TRPM6: variants seen among roughly 807,000 people sequenced by gnomAD.
The protein encoded by TRPM6 is channel kinase 2.
Under a neutral mutation model 247.6 loss-of-function variants are expected in TRPM6, and 111 were observed. The ratio of observed to expected loss-of-function variants is 0.45; its 90% CI spans 0.38 to 0.52. The LOEUF is 0.52. TRPM6 is among the 20% of genes least tolerant of loss of function. The probability of loss-of-function intolerance (pLI) is 0.00; values close to 1 mark genes in which losing one functional copy is unlikely to be tolerated. For synonymous variants in TRPM6, 892 were observed against 853.8 expected (o/e 1.04, Z -0.78); for missense variants, 2,126 against 2,421.5 (o/e 0.88, Z 2.56).
chr9:74,746,285 G>T (rs1272158721), intron 31 of TRPM6, among the ~76,000 whole-genome samples: 1 of 151,982 alleles, frequency 6.6e-6, no homozygotes, highest in Non-Finnish European at 1.5e-5. Context: ...AACATTATCA[G>T]AGTCTTGATA....
At chr9:74,886,401 G>T (rs1327699116) in intron 1 of TRPM6, among the ~76,000 whole-genome samples, 1 of 152,042 alleles carries the variant, frequency 6.6e-6, no homozygotes, top group Non-Finnish European at 1.5e-5. Flanking sequence ...GAAAGAAATT[G>T]AATAACTCGT....
In TRPM6 at chr9:74,723,354, A is replaced by T. The variant is rs1465351471; in HGVS notation, c.*1259T>A. ...CATAGGACCTGACATAAAGTAATTT[A>T]ACCTGCAATATTATATATACAACTT... is the stretch of plus-strand genomic sequence containing the variant. On this transcript the variant is annotated 3_prime_UTR_variant, in exon 39 of 39. Coordinates refer to ENST00000360774, the MANE Select transcript of TRPM6 (RefSeq NM_017662.5). 6.6e-6 allele frequency: 1 copy of T among 152,170 alleles called. No homozygotes were observed. The highest frequency in any genetic ancestry group is 1.5e-5 in the Non-Finnish European group (1 of 68,042). The allele number at this position is 152,170 out of a possible 1,614,324, so 9.4% of individuals were successfully genotyped here. A position where few individuals can be genotyped will look rare whatever the true frequency, so the allele number is the denominator to read the frequency against.
At chr9:74,850,782 A>C (rs1830280926) in intron 3 of TRPM6, among the ~76,000 whole-genome samples, 1 of 152,154 alleles carries the variant, frequency 6.6e-6, no homozygotes, top group Non-Finnish European at 1.5e-5. Context: ...TTCCATATGG[A>C]AAGGTTCTTA....
Position 74,840,101 on chromosome 9 carries a change from T to C in TRPM6, c.467A>G (p.Lys156Arg), listed in dbSNP as rs763484074. 14 of 1,613,932 alleles carry C rather than the reference T, an allele frequency of 8.7e-6. No individual in the cohort carries two copies. Among genetic ancestry groups the C allele is most frequent in the Non-Finnish European group, 1.2e-5 (14 of 1,180,004 alleles). ...IQNFTMPSKF[K>R]EIFSQGLVKA... is the part of the protein sequence containing the mutation. The stretch of plus-strand genomic sequence containing the variant: ...AACCAAACCTTGGCTGAAAATCTCT[T>C]TAAATTTAGAGGGCATAGTAAAGTT... Residue 156 changes from lysine to arginine, a missense_variant, in exon 5 of 39, where the codon AAA becomes AGA. This residue lies in a region of TRPM6 where 1,082 missense variants were observed against 1,307.9 expected (regional missense o/e 0.83). Transcript: ENST00000360774.
intron 9 of TRPM6, among the ~76,000 whole-genome samples, chr9:74,817,577 T>C (rs111706276): frequency 0.019 from 2,959 of 152,296 alleles, 86 homozygotes; most frequent in African/African-American, 0.066. Flanking sequence ...GCAAGTACCC[T>C]GGGCAACACA....
At chr9:74,746,390 G>A (rs1448410479) in intron 31 of TRPM6, among the ~76,000 whole-genome samples, 1 of 152,202 alleles carries the variant, frequency 6.6e-6, no homozygotes, top group Non-Finnish European at 1.5e-5. Context: ...TGGGAGGATA[G>A]AGTTGCCATT....
chr9:74,733,733 C>A (rs190876530), intron 36 of TRPM6, among the ~76,000 whole-genome samples: 3 of 151,826 alleles, frequency 2.0e-5, no homozygotes, highest in African/African-American at 7.2e-5. Flanking sequence ...TAATTTTGCA[C>A]TTTTAGTAGA....
intron 37 of TRPM6, among the ~76,000 whole-genome samples, chr9:74,729,453 G>A (rs1230732908): frequency 1.3e-5 from 2 of 152,194 alleles, no homozygotes; most frequent in Non-Finnish European, 2.9e-5. Flanking sequence ...GAGGGCTGAT[G>A]TCAGTTTGAT....
Position 74,762,908 on chromosome 9 carries a change from T to C in TRPM6, c.3763A>G (p.Asn1255Asp). 1 of 1,607,232 alleles carries C rather than the reference T, an allele frequency of 6.2e-7. No homozygotes were observed. Among genetic ancestry groups the C allele is most frequent in the Non-Finnish European group, 8.5e-7 (1 of 1,175,492 alleles). Residue 1255 changes from asparagine to aspartate, a missense_variant, in exon 26 of 39, where the codon AAT (asparagine) becomes GAT (aspartate). Coordinates refer to ENST00000360774, the MANE Select transcript of TRPM6 (RefSeq NM_017662.5). ...CCTAGAACCTCTGCACAGATGACAT[T>C]GCTCCAGCTGTGGGGAAGTTTTTTG... ...TCKKLPHSWS[N>D]VICAEVLGSM... is the part of the protein sequence containing the mutation.
intron 24 of TRPM6, among the ~76,000 whole-genome samples, chr9:74,774,364 G>A (rs548112025): frequency 6.3e-4 from 96 of 152,204 alleles, no homozygotes; most frequent in Non-Finnish European, 1.3e-3. Flanking sequence ...AGCCTGGGAC[G>A]TCTCTCTATT....
At chr9:74,744,227 A>G in intron 31 of TRPM6, 82 bp from the exon 32 acceptor site, 1 of 1,424,210 alleles carries the variant, frequency 7.0e-7, no homozygotes. Context: ...CTTCAAAGTT[A>G]TTATTGAACA....
Position 74,804,759 on chromosome 9 carries a change from A to G in TRPM6, c.1639-873T>C, listed in dbSNP as rs1467780734. ...GGCCACTGAATGGGTAGAAGCAACC[A>G]CTGAATGGTCTTAAGCTGCCCTTGC... On this transcript the variant is annotated intron_variant, in intron 14 of 38. Coordinates refer to ENST00000360774, the MANE Select transcript of TRPM6 (RefSeq NM_017662.5). 2.5e-5 allele frequency: 19 copies of G among 764,600 alleles called. No individual in the cohort carries two copies. The Middle Eastern group carries it at 8.9e-4, about 36-fold the overall frequency. 47.4% of individuals were successfully genotyped at this position (764,600 alleles called of 1,614,324 possible).
chr9:74,813,854 T>C (rs1301016680), intron 11 of TRPM6, among the ~76,000 whole-genome samples: 1 of 152,212 alleles, frequency 6.6e-6, no homozygotes, highest in Non-Finnish European at 1.5e-5. Flanking sequence ...CCCAGCACTT[T>C]GGGAGGCTGA....
Position 74,724,515 on chromosome 9 carries a change from G to A in TRPM6, c.*98C>T. On this transcript the variant is annotated 3_prime_UTR_variant, in exon 39 of 39. Transcript: ENST00000360774. ...TGAGGCTCAGAAGGCGTGTCCCAAGGAGACGCTGATGTAATCAACATCACG... is the reference window on the plus strand; with the variant it reads ...TGAGGCTCAGAAGGCGTGTCCCAAGAAGACGCTGATGTAATCAACATCACG... 1.3e-6 allele frequency: 2 copies of A among 1,566,758 alleles called. No homozygotes were observed. Among genetic ancestry groups the A allele is most frequent in the Middle Eastern group, 2.2e-4 (1 of 4,634 alleles).
rs1825802092 is a variant in TRPM6, at chr9:74,739,743, C to T, written c.5467G>A (p.Val1823Met). Residue 1823 changes from valine (V) to methionine (M), a missense_variant, in exon 34 of 39, where the codon GTG becomes ATG. Coordinates refer to ENST00000360774, the MANE Select transcript of TRPM6 (RefSeq NM_017662.5). ...TWHKIFQEST[V>M]LHLCLREIQQ... ...CTTACCCTGAGGCAAAGATGAAGCA[C>T]AGTGCTCTCCTGGAAGATTTTATGC... The T allele has an allele frequency of 1.2e-6, 2 of 1,613,136 alleles. No individual in the cohort carries two copies. Among genetic ancestry groups the T allele is most frequent in the Non-Finnish European group, 8.5e-7 (1 of 1,180,008 alleles).
rs548211348 is a variant in TRPM6 at position 74,843,950 on chromosome 9, G to A, written c.153-1607C>T. On this transcript the variant is annotated intron_variant, in intron 3 of 38. Coordinates refer to ENST00000360774, the MANE Select transcript of TRPM6 (RefSeq NM_017662.5). Reference sequence around the variant, plus strand: ...TGTAATATTTCCATAAGAGCTCTTGGGTGACCAGGTGTGTGGTCAATGAGC... The same window carrying A: ...TGTAATATTTCCATAAGAGCTCTTGAGTGACCAGGTGTGTGGTCAATGAGC... Among the ~76,000 whole-genome samples, 57 of 152,232 alleles carry A rather than the reference G, an allele frequency of 3.7e-4. No individual in the cohort carries two copies. In the South Asian group the frequency reaches 0.011, roughly 30 times the overall value.
intron 24 of TRPM6, among the ~76,000 whole-genome samples, chr9:74,773,256 T>A (rs978535174): frequency 1.3e-5 from 2 of 152,226 alleles, no homozygotes; most frequent in African/African-American, 4.8e-5. Context: ...GCTATTACAA[T>A]GACAGTAAAT....
chr9:74,846,622 C>T (rs1417161133), intron 3 of TRPM6, among the ~76,000 whole-genome samples: 1 of 152,036 alleles, frequency 6.6e-6, no homozygotes, highest in Non-Finnish European at 1.5e-5. Flanking sequence ...TCTCTGCTCA[C>T]TGCCACCTCC....
At chr9:74,754,985 T>A (rs1826386282) in intron 28 of TRPM6, among the ~76,000 whole-genome samples, 1 of 152,230 alleles carries the variant, frequency 6.6e-6, no homozygotes, top group Non-Finnish European at 1.5e-5. Flanking sequence ...CTGAATTCTG[T>A]GTAGCAGTCC....
Sources: gnomAD v4.1 joint callset for allele counts (sites outside exome capture counted in the v4.1 genomes callset) on GRCh38, gnomAD v4.1.1 for gene constraint, gnomAD v4.1.1 regional missense constraint, MANE v1.5 for transcripts, NCBI Gene and HGNC (gene_info 2026-07-23, HGNC 2026-07-21) for gene names.